CCDC88B: variants seen among roughly 807,000 people sequenced by gnomAD.
CCDC88B encodes coiled-coil and HOOK domain protein 88B.
A neutral mutation model predicts 183.7 loss-of-function variants in CCDC88B; 138 were observed. The ratio of observed to expected loss-of-function variants is 0.75; its 90% CI spans 0.65 to 0.87. The LOEUF (loss-of-function observed/expected upper bound fraction) is 0.87, where lower values mean the gene tolerates loss of function less well. Among genes scored for constraint, CCDC88B ranks in the 40% least tolerant of loss-of-function variants. CCDC88B has a pLI of 0.00. For synonymous variants in CCDC88B, 835 were observed against 867.5 expected (o/e 0.96, Z 0.66); for missense variants, 1,822 against 1,965.6 (o/e 0.93, Z 1.38).
chr11:64,340,753 GT>G lies in CCDC88B; in HGVS notation c.206+2del. The G allele has an allele frequency of 6.2e-7, 1 of 1,607,654 alleles. No homozygotes were observed. The highest frequency in any genetic ancestry group is 8.5e-7 in the Non-Finnish European group (1 of 1,177,382). Reference sequence around the variant, plus strand: ...TGCTCCTCCGGGTGCTGGGCATCATGTAAGGGGCATCGGGCCGGGGCGGTGG... The same window carrying G: ...TGCTCCTCCGGGTGCTGGGCATCATGAAGGGGCATCGGGCCGGGGCGGTGG... On this transcript the variant is annotated splice_donor_variant, in intron 2 of 26. Transcript: ENST00000356786. LOFTEE classifies it high-confidence loss of function.
In CCDC88B at chr11:64,343,763, A is replaced by T; in HGVS notation, c.1319-15A>T. ...GCAGTAAAGGAGGGGTCCTGACCTC[A>T]TCTCTCATCCTCAGCACCCCTAGCA... On this transcript the variant is annotated splice_polypyrimidine_tract_variant and intron_variant, in intron 12 of 26. Coordinates refer to ENST00000356786, the MANE Select transcript of CCDC88B (RefSeq NM_032251.6). 1.3e-6 allele frequency: 2 copies of T among 1,554,116 alleles called. No individual in the cohort carries two copies. Among genetic ancestry groups the T allele is most frequent in the Non-Finnish European group, 1.7e-6 (2 of 1,148,048 alleles).
At chr11:64,349,050 G>A in intron 14 of CCDC88B, 1 of 717,476 alleles carries the variant, frequency 1.4e-6, no homozygotes, top group Non-Finnish European at 2.6e-6. Flanking sequence ...TGGGCTCAGA[G>A]AGGTGACGGC....
At chr11:64,349,103 C>G in intron 14 of CCDC88B, 1 of 718,012 alleles carries the variant, frequency 1.4e-6, no homozygotes, top group Non-Finnish European at 2.6e-6. Context: ...AGCCCAGGGG[C>G]CTTCCTCATG....
intron 16 of CCDC88B, 144 bp downstream of exon 16, chr11:64,349,812 G>A (rs4930155): frequency 0.57 from 432,196 of 759,442 alleles, 124,368 homozygotes; most frequent in Middle Eastern, 0.75. Flanking sequence ...GGGCCTGTTG[G>A]AGAGAGCACT....
At chr11:64,352,522 T>C in intron 19 of CCDC88B, 136 bp downstream of exon 19, 1 of 1,375,106 alleles carries the variant, frequency 7.3e-7, no homozygotes, top group Non-Finnish European at 9.6e-7. Flanking sequence ...TGCTGTGCCC[T>C]CTGGGGTAGC....
At chr11:64,341,809 G>T in intron 7 of CCDC88B, 67 bp downstream of exon 7, 1 of 1,532,178 alleles carries the variant, frequency 6.5e-7, no homozygotes, top group Non-Finnish European at 8.7e-7. Context: ...AGCCGGTTGT[G>T]CAAGGGAGAT....
chr11:64,340,549 G>T, intron 1 of CCDC88B, 58 bp from the exon 2 acceptor site: 1 of 1,568,634 alleles, frequency 6.4e-7, no homozygotes. Flanking sequence ...ACTGGGGCAG[G>T]TCGGAGGGGC....
At position 64,353,058 on chromosome 11, in the gene CCDC88B, C is replaced by G; in HGVS notation, c.3505C>G (p.Gln1169Glu). Residue 1169 changes from glutamine to glutamate, a missense_variant, in exon 21 of 27, where the codon CAG becomes GAG. By Grantham distance (29) the Gln-to-Glu change is conservative. Transcript: ENST00000356786. Reference protein sequence around the residue: ...RRLQSEHDRAQMLLAELSRER... With the variant: ...RRLQSEHDRAEMLLAELSRER... Reference sequence around the variant, plus strand: ...CAGCTCTCCTTGCCTCCCAAGGGCTCAGATGCTGCTGGCAGAGTTGTCTCG... The same window carrying G: ...CAGCTCTCCTTGCCTCCCAAGGGCTGAGATGCTGCTGGCAGAGTTGTCTCG... 6.3e-7 allele frequency: 1 copy of G among 1,599,046 alleles called. No homozygotes were observed. The highest frequency in any genetic ancestry group is 8.5e-7 in the Non-Finnish European group (1 of 1,173,354).
At chr11:64,348,864 C>T in intron 14 of CCDC88B, 1 of 623,088 alleles carries the variant, frequency 1.6e-6, no homozygotes, top group South Asian at 1.8e-5. Context: ...GCCCCCCCAG[C>T]CCCCACTGTC....
chr11:64,340,246 G>A lies in CCDC88B; in HGVS notation c.-21G>A, dbSNP rs1216263218. ...AGGGCAGGTGCAGCTGCCACAGTGA[G>A]ACGGGCACCCCGACCCGGGCATGGA... is the stretch of plus-strand genomic sequence containing the variant. On this transcript the variant is annotated 5_prime_UTR_variant, in exon 1 of 27. Transcript: ENST00000356786. The A allele has an allele frequency of 1.6e-6, 2 of 1,266,906 alleles. No homozygotes were observed. Among genetic ancestry groups the A allele is most frequent in the African/African-American group, 3.1e-5 (2 of 64,664 alleles). 78.5% of individuals were successfully genotyped at this position (1,266,906 alleles called of 1,614,324 possible). A position where few individuals can be genotyped will look rare whatever the true frequency, so the allele number is the denominator to read the frequency against.
At position 64,353,842 on chromosome 11, in the gene CCDC88B, T is replaced by A. The variant is rs779218713; in HGVS notation, c.3932+29T>A. ...AGCAGCCCTGTCACCTCCCTCAGGCTGGACATCCTGCTAACCTCTGCCCCT... is the reference window on the plus strand; with the variant it reads ...AGCAGCCCTGTCACCTCCCTCAGGCAGGACATCCTGCTAACCTCTGCCCCT... On this transcript the variant is annotated intron_variant, in intron 23 of 26. Coordinates refer to ENST00000356786, the MANE Select transcript of CCDC88B (RefSeq NM_032251.6). The A allele has an allele frequency of 5.0e-6, 8 of 1,612,614 alleles. No homozygotes were observed. The South Asian group carries it at 8.8e-5, about 18-fold the overall frequency.
chr11:64,340,634 G>C lies in CCDC88B; in HGVS notation c.88G>C (p.Glu30Gln). The change falls in exon 2 of 27, where the codon GAG becomes CAG. Residue 30 changes from glutamate (E) to glutamine (Q), a missense_variant. By Grantham distance (29) the Glu-to-Gln change is conservative. Coordinates refer to ENST00000356786, the MANE Select transcript of CCDC88B (RefSeq NM_032251.6). ...GCTGGGACTGGCCGGGCTGGTCGGGGAGGCGGAGGACTCGGAGGGGGAAGA... is the reference window on the plus strand; with the variant it reads ...GCTGGGACTGGCCGGGCTGGTCGGGCAGGCGGAGGACTCGGAGGGGGAAGA... Reference protein sequence around the residue: ...WALGLAGLVGEAEDSEGEEEE... With the variant: ...WALGLAGLVGQAEDSEGEEEE... The C allele has an allele frequency of 6.2e-7, 1 of 1,610,532 alleles. No individual in the cohort carries two copies. The highest frequency in any genetic ancestry group is 8.5e-7 in the Non-Finnish European group (1 of 1,179,702).
Position 64,349,645 on chromosome 11 carries a change from CAGCTGGAAGAGG to C in CCDC88B, c.2845_2856del (p.Glu949_Leu952del), listed in dbSNP as rs1565053242. The C allele has an allele frequency of 1.9e-6, 3 of 1,596,616 alleles. No homozygotes were observed. The East Asian group carries it at 6.8e-5, about 36-fold the overall frequency. On this transcript the variant is annotated inframe_deletion, in exon 16 of 27. Coordinates refer to ENST00000356786, the MANE Select transcript of CCDC88B (RefSeq NM_032251.6). Reference sequence around the variant, plus strand: ...GATGGAGCTCAAGACCAGGGCCCTGCAGCTGGAAGAGGAGCTGTTCCAGGTGATGCCTGCCCG... The same window carrying C: ...GATGGAGCTCAAGACCAGGGCCCTGCAGCTGTTCCAGGTGATGCCTGCCCG...
chr11:64,349,101 G>A, intron 14 of CCDC88B: 1 of 717,072 alleles, frequency 1.4e-6, no homozygotes, highest in Non-Finnish European at 2.6e-6. Context: ...CCAGCCCAGG[G>A]GCCTTCCTCA....
chr11:64,355,593 C>A lies in CCDC88B; in HGVS notation c.4340C>A (p.Thr1447Asn). ...PGVGWENSAETLQEHETDANR... is the reference protein window; with the variant it reads ...PGVGWENSAENLQEHETDANR... ...GTGGGATGGGAGAACTCCGCTGAGA[C>A]CCTGCAGGAACACGAAACAGATGCC... The change falls in exon 26 of 27, where the codon ACC (threonine) becomes AAC (asparagine). Residue 1447 changes from threonine (T) to asparagine (N), a missense_variant. Coordinates refer to ENST00000356786, the MANE Select transcript of CCDC88B (RefSeq NM_032251.6). 1 of 1,612,648 alleles carries A rather than the reference C, an allele frequency of 6.2e-7. No individual in the cohort carries two copies. The highest frequency in any genetic ancestry group is 1.1e-5 in the South Asian group (1 of 90,838).
rs1025728500 is a variant in CCDC88B, at chr11:64,340,639, G to A, written c.93G>A (p.Ala31=). The A allele has an allele frequency of 1.9e-6, 3 of 1,610,840 alleles. No homozygotes were observed. The highest frequency in any genetic ancestry group is 1.7e-6 in the Non-Finnish European group (2 of 1,179,724). ...ALGLAGLVGE[A]EDSEGEEEEE... ...GACTGGCCGGGCTGGTCGGGGAGGC[G>A]GAGGACTCGGAGGGGGAAGAAGAGG... Residue 31 remains alanine (A), a synonymous_variant, in exon 2 of 27, where the codon GCG becomes GCA. Transcript: ENST00000356786.
At position 64,342,535 on chromosome 11, in the gene CCDC88B, C is replaced by T. The variant is rs1340635153; in HGVS notation, c.917C>T (p.Ser306Leu). The T allele has an allele frequency of 2.6e-6, 4 of 1,529,324 alleles. No homozygotes were observed. The highest frequency in any genetic ancestry group is 1.4e-5 in the African/African-American group (1 of 72,856). 94.7% of individuals were successfully genotyped at this position (1,529,324 alleles called of 1,614,324 possible). Residue 306 changes from serine (S) to leucine (L), a missense_variant, in exon 10 of 27, where the codon TCG becomes TTG. Physicochemically the swap from Ser to Leu is moderately radical, Grantham distance 145 (BLOSUM62 -2). Transcript: ENST00000356786. ...RRLRQEAQAL[S>L]GQAKRAELYR... ...CGTCTGGCCCAGGCCCAGGCGCTGTCGGGACAGGCCAAGCGGGCCGAGCTG... is the reference window on the plus strand; with the variant it reads ...CGTCTGGCCCAGGCCCAGGCGCTGTTGGGACAGGCCAAGCGGGCCGAGCTG...
chr11:64,352,219 C>A lies in CCDC88B; in HGVS notation c.3189C>A (p.Ser1063=). 1 of 1,609,630 alleles carries A rather than the reference C, an allele frequency of 6.2e-7. No individual in the cohort carries two copies. Among genetic ancestry groups the A allele is most frequent in the Non-Finnish European group, 8.5e-7 (1 of 1,177,796 alleles). ...AGGAGGTGCGGGCGGCACGGCAGTC[C>A]CAGGAGGAGACCCGCGGGCAGCAGC... ...LEEEVRAARQ[S]QEETRGQQQA... The change falls in exon 19 of 27, where the codon TCC becomes TCA. Residue 1063 remains serine, a synonymous_variant. Transcript: ENST00000356786.
In CCDC88B at chr11:64,347,902, T is replaced by C. The variant is rs372885427; in HGVS notation, c.2617-1429T>C. On this transcript the variant is annotated intron_variant, in intron 14 of 26. Coordinates refer to ENST00000356786, the MANE Select transcript of CCDC88B (RefSeq NM_032251.6). The stretch of plus-strand genomic sequence containing the variant: ...CCCAACTCTACTAAAAACACAAAAT[T>C]AGTCGGGTGTGGTGGCACGCACCTG... Among the ~76,000 whole-genome samples, 31 of 151,646 alleles carry C rather than the reference T, an allele frequency of 2.0e-4. No individual in the cohort carries two copies. The East Asian group carries it at 5.8e-3, about 29-fold the overall frequency.
Sources: allele counts gnomAD v4.1 joint callset (sites outside exome capture counted in the v4.1 genomes callset), GRCh38; gene constraint gnomAD v4.1.1; transcripts MANE v1.5; gene names NCBI Gene and HGNC (gene_info 2026-07-23, HGNC 2026-07-21).